CDH18: variants seen among roughly 807,000 people sequenced by gnomAD.
CDH18 encodes the protein cadherin 18, also known as cadherin-18.
Under a neutral mutation model 67.9 loss-of-function variants are expected in CDH18, and 31 were observed. The ratio of observed to expected loss-of-function variants is 0.46; its 90% confidence interval spans 0.34 to 0.62. CDH18 has a LOEUF of 0.62. CDH18 is among the 20% of genes least tolerant of loss of function. CDH18 has a pLI of 0.01. For missense variants in CDH18, 890 were observed against 975.5 expected (o/e 0.91, Z 1.17); for synonymous variants, 362 against 347.2 (o/e 1.04, Z -0.48).
chr5:19,629,452 C>T (rs1752079267), intron 5 of CDH18, among the ~76,000 whole-genome samples: 1 of 152,082 alleles, frequency 6.6e-6, no homozygotes, highest in East Asian at 1.9e-4. Context: ...CTCATTCTTG[C>T]CCAACATAAT....
chr5:19,757,986 G>A (rs929251323), intron 3 of CDH18, among the ~76,000 whole-genome samples: 1 of 152,124 alleles, frequency 6.6e-6, no homozygotes, highest in African/African-American at 2.4e-5. Context: ...AACCAGGCTC[G>A]AGTCTTCTCT....
chr5:20,228,633 C>T (rs1741825767), intron 2 of CDH18, among the ~76,000 whole-genome samples: 1 of 152,052 alleles, frequency 6.6e-6, no homozygotes, highest in South Asian at 2.1e-4. Flanking sequence ...CCTCTCTCTG[C>T]TCCTATTAAT....
At chr5:20,281,384 G>A (rs955932826) in intron 1 of CDH18, among the ~76,000 whole-genome samples, 17 of 151,978 alleles carry the variant, frequency 1.1e-4, no homozygotes, top group African/African-American at 3.9e-4. Context: ...TAATTTTTGT[G>A]TAAGGTGTAA....
At chr5:20,575,182 G>C (rs1044617313) in intron 1 of CDH18, among the ~76,000 whole-genome samples, 5 of 151,762 alleles carry the variant, frequency 3.3e-5, no homozygotes, top group Non-Finnish European at 5.9e-5. Flanking sequence ...TTATAAACTT[G>C]GCTTATTTTT....
At chr5:19,527,834 CTT>C (rs1747978898) in intron 9 of CDH18, among the ~76,000 whole-genome samples, 1 of 151,736 alleles carries the variant, frequency 6.6e-6, no homozygotes, top group Admixed American at 6.6e-5. Context: ...AATCTTGACT[CTT>C]TTCAGTACAT....
chr5:19,696,453 G>A (rs928238964), intron 5 of CDH18, among the ~76,000 whole-genome samples: 10 of 151,750 alleles, frequency 6.6e-5, no homozygotes, highest in South Asian at 6.3e-4. Context: ...GGAGAATGGC[G>A]TGGCCCTGCG....
chr5:20,303,122 C>T (rs1370838334), intron 1 of CDH18, among the ~76,000 whole-genome samples: 4 of 152,122 alleles, frequency 2.6e-5, no homozygotes, highest in Non-Finnish European at 4.4e-5. Context: ...TCACACGGCT[C>T]GTGTGTCAAA....
intron 2 of CDH18, among the ~76,000 whole-genome samples, chr5:20,052,535 T>G (rs554145878): frequency 4.4e-4 from 67 of 152,244 alleles, no homozygotes; most frequent in African/African-American, 1.5e-3. Context: ...ATTCATGGAC[T>G]GAGTCTATAA....
chr5:19,794,578 T>C (rs1407752599), intron 3 of CDH18, among the ~76,000 whole-genome samples: 1 of 152,076 alleles, frequency 6.6e-6, no homozygotes, highest in Non-Finnish European at 1.5e-5. Context: ...TCTCTCTCTT[T>C]CTCTCTCTCC....
chr5:20,320,799 G>A (rs1737942347), intron 1 of CDH18, among the ~76,000 whole-genome samples: 1 of 152,094 alleles, frequency 6.6e-6, no homozygotes, highest in African/African-American at 2.4e-5. Flanking sequence ...CTTTCCTGTG[G>A]CCCATGAGGG....
chr5:20,467,155 G>A (rs1482209776), intron 1 of CDH18, among the ~76,000 whole-genome samples: 1 of 151,940 alleles, frequency 6.6e-6, no homozygotes, highest in Non-Finnish European at 1.5e-5. Flanking sequence ...GTAGCAGTAG[G>A]TCCCAACATT....
chr5:20,287,694 G>C (rs2126722834), intron 1 of CDH18, among the ~76,000 whole-genome samples: 1 of 151,800 alleles, frequency 6.6e-6, no homozygotes, highest in Non-Finnish European at 1.5e-5. Flanking sequence ...ACAATATTCT[G>C]TAAATCCAAT....
intron 11 of CDH18, among the ~76,000 whole-genome samples, chr5:19,489,239 C>A (rs1163113768): frequency 1.4e-5 from 2 of 139,666 alleles, no homozygotes; most frequent in South Asian, 4.6e-4. Flanking sequence ...AGTGTTTGTT[C>A]TTTTTTTTTT....
At chr5:20,180,750 C>T (rs1165016067) in intron 2 of CDH18, among the ~76,000 whole-genome samples, 2 of 152,052 alleles carry the variant, frequency 1.3e-5, no homozygotes, top group African/African-American at 4.8e-5. Flanking sequence ...CCCCCTGGAC[C>T]CAGCTTTCAC....
At chr5:19,498,579 G>C (rs889057944) in intron 11 of CDH18, among the ~76,000 whole-genome samples, 17 of 152,090 alleles carry the variant, frequency 1.1e-4, no homozygotes, top group African/African-American at 4.1e-4. Context: ...TAAAAAGTTA[G>C]TTTCGCTATC....
intron 1 of CDH18, among the ~76,000 whole-genome samples, chr5:20,378,506 C>A (rs1743650218): frequency 6.6e-6 from 1 of 152,186 alleles, no homozygotes; most frequent in African/African-American, 2.4e-5. Context: ...ATCTTCGTTT[C>A]CTTTTTACAC....
At chr5:19,707,587 C>T (rs1764133631) in intron 5 of CDH18, among the ~76,000 whole-genome samples, 1 of 152,296 alleles carries the variant, frequency 6.6e-6, no homozygotes, top group African/African-American at 2.4e-5. Flanking sequence ...AGGATTTGAA[C>T]ATCTGCCTAT....
At chr5:19,815,339 G>A (rs1219699843) in intron 3 of CDH18, among the ~76,000 whole-genome samples, 12 of 151,912 alleles carry the variant, frequency 7.9e-5, no homozygotes, top group Admixed American at 7.9e-4. Flanking sequence ...TTTCAAGGAA[G>A]CTATGAAAAC....
At chr5:19,706,738 T>C (rs12652265) in intron 5 of CDH18, among the ~76,000 whole-genome samples, 85,463 of 152,074 alleles carry the variant, frequency 0.56, 27,189 homozygotes, top group East Asian at 0.74. Flanking sequence ...TTTTTATCTA[T>C]ATGGAATATT....
Sources: allele counts gnomAD v4.1 joint callset (sites outside exome capture counted in the v4.1 genomes callset), GRCh38; gene constraint gnomAD v4.1.1; transcripts MANE v1.5; gene names NCBI Gene and HGNC (gene_info 2026-07-23, HGNC 2026-07-21).